The following KCNQ5 variants were observed in gnomAD, a reference collection of about 807,000 sequenced individuals.
The protein encoded by KCNQ5 is potassium voltage-gated channel subfamily KQT member 5.
A neutral mutation model predicts 98.2 loss-of-function variants in KCNQ5; 30 were observed. That is an observed-to-expected ratio of 0.31 (90% CI 0.23 to 0.41). The LOEUF is 0.41. Ranked by LOEUF, KCNQ5 falls within the 10% of genes least tolerant of loss-of-function variation. KCNQ5 has a pLI of 1.00. For synonymous variants in KCNQ5, 458 were observed against 449.4 expected, an observed-to-expected ratio of 1.02 and a Z score of -0.24; for missense variants, 835 against 1,182.5, an observed-to-expected ratio of 0.71 and a Z score of 4.31.
intron 7 of KCNQ5, among the ~76,000 whole-genome samples, chr6:73,112,369 A>G (rs1304066966): frequency 6.7e-6 from 1 of 149,828 alleles, no homozygotes; most frequent in Non-Finnish European, 1.5e-5. Flanking sequence ...TTTTTGAGAC[A>G]GAGTCCCGCT....
chr6:72,770,981 G>A (rs117516009), intron 1 of KCNQ5, among the ~76,000 whole-genome samples: 5 of 152,158 alleles, frequency 3.3e-5, no homozygotes, highest in Non-Finnish European at 7.4e-5. Context: ...CAGCCCTCAA[G>A]GGACCCTCGA....
chr6:73,081,403 T>C (rs1318213560), intron 5 of KCNQ5, among the ~76,000 whole-genome samples: 1 of 152,240 alleles, frequency 6.6e-6, no homozygotes, highest in African/African-American at 2.4e-5. Flanking sequence ...AAGAATGGGT[T>C]TCCCTGGAGT....
At chr6:72,825,748 TAGTC>T (rs1057405510) in intron 1 of KCNQ5, among the ~76,000 whole-genome samples, 20 of 152,166 alleles carry the variant, frequency 1.3e-4, no homozygotes, top group Non-Finnish European at 2.9e-4. Flanking sequence ...CAATAGTTGT[TAGTC>T]AGTCCTGTTT....
intron 3 of KCNQ5, among the ~76,000 whole-genome samples, chr6:73,060,839 CAA>C (rs1332339463): frequency 6.6e-6 from 1 of 152,068 alleles, no homozygotes; most frequent in East Asian, 1.9e-4. Flanking sequence ...ATCAGATTGG[CAA>C]AAATCTGCAG....
chr6:72,819,436 A>G (rs1369201539), intron 1 of KCNQ5, among the ~76,000 whole-genome samples: 1 of 152,244 alleles, frequency 6.6e-6, no homozygotes, highest in African/African-American at 2.4e-5. Flanking sequence ...AAATGGAATC[A>G]TATTACATAA....
rs773109657 is a variant in KCNQ5, at chr6:73,106,229, A to T, written c.1029+862A>T. ...CTCCTCTGCCTATTAATAAGTGCAG[A>T]GAACACCCTTGTCCCACCAGTGCCC... On this transcript the variant is annotated intron_variant, in intron 6 of 13. Coordinates refer to ENST00000370398, the MANE Select transcript of KCNQ5 (RefSeq NM_019842.4). 3.3e-5 allele frequency among the ~76,000 whole-genome samples: 5 copies of T among 152,324 alleles called. No homozygotes were observed. The South Asian group carries it at 1.0e-3, about 32-fold the overall frequency.
chr6:72,987,106 G>A (rs866741264), intron 1 of KCNQ5: 38 of 659,942 alleles, frequency 5.8e-5, no homozygotes, highest in South Asian at 3.2e-4. Context: ...TTGAGGCTCC[G>A]GAATACATCC....
intron 1 of KCNQ5, among the ~76,000 whole-genome samples, chr6:72,685,107 G>T (rs1347193664): frequency 6.6e-6 from 1 of 152,056 alleles, no homozygotes; most frequent in Non-Finnish European, 1.5e-5. Flanking sequence ...AGGGTGTAGG[G>T]CTATGTGTTG....
intron 2 of KCNQ5, among the ~76,000 whole-genome samples, chr6:73,007,845 T>C (rs7747368): frequency 0.32 from 48,032 of 152,050 alleles, 10,116 homozygotes; most frequent in African/African-American, 0.59. Flanking sequence ...GCCCCTCCCC[T>C]ACCAGCAAAA....
intron 11 of KCNQ5, among the ~76,000 whole-genome samples, chr6:73,170,854 A>G (rs1350155179): frequency 1.3e-5 from 2 of 152,154 alleles, no homozygotes; most frequent in Admixed American, 6.5e-5. Context: ...GACTCTCTTG[A>G]GCCCGGGAGA....
chr6:72,854,287 G>A (rs1332635029), intron 1 of KCNQ5, among the ~76,000 whole-genome samples: 1 of 151,974 alleles, frequency 6.6e-6, no homozygotes, highest in South Asian at 2.1e-4. Context: ...TTTAAAATTT[G>A]GTTGTATTGA....
At chr6:72,849,506 T>A (rs1355988555) in intron 1 of KCNQ5, among the ~76,000 whole-genome samples, 1 of 152,176 alleles carries the variant, frequency 6.6e-6, no homozygotes, top group Non-Finnish European at 1.5e-5. Flanking sequence ...CAAAAGGCAC[T>A]GTTTTTAAAT....
chr6:72,987,499 A>G lies in KCNQ5; in HGVS notation c.399-16409A>G, dbSNP rs1256294312. ...TTTCTCAAACTTACTGGTGGCTTCA[A>G]AAACCTGTCCCCTTCGTTCAGCCGC... On this transcript the variant is annotated intron_variant, in intron 1 of 13. Transcript: ENST00000370398. The G allele has an allele frequency of 4.5e-6, 3 of 664,868 alleles. No individual in the cohort carries two copies. In the East Asian group the frequency reaches 1.0e-4, roughly 23 times the overall value. The allele number at this position is 664,868 out of a possible 1,614,324, so 41.2% of individuals were successfully genotyped here.
At chr6:72,972,192 T>G (rs1394524881) in intron 1 of KCNQ5, among the ~76,000 whole-genome samples, 1 of 152,162 alleles carries the variant, frequency 6.6e-6, no homozygotes, top group Non-Finnish European at 1.5e-5. Context: ...GAAGGCAATC[T>G]GCCATGCCAG....
chr6:72,743,086 A>C (rs1414198789), intron 1 of KCNQ5, among the ~76,000 whole-genome samples: 1 of 152,178 alleles, frequency 6.6e-6, no homozygotes, highest in Non-Finnish European at 1.5e-5. Flanking sequence ...AAAATTCTTC[A>C]AAAACCTTTG....
intron 1 of KCNQ5, among the ~76,000 whole-genome samples, chr6:72,738,787 A>G (rs1238827948): frequency 6.6e-6 from 1 of 152,178 alleles, no homozygotes; most frequent in Non-Finnish European, 1.5e-5. Flanking sequence ...ACTAAGTGAA[A>G]GAAGCCAATC....
intron 1 of KCNQ5, among the ~76,000 whole-genome samples, chr6:72,891,222 C>T (rs1338382740): frequency 6.6e-6 from 1 of 152,146 alleles, no homozygotes; most frequent in Non-Finnish European, 1.5e-5. Context: ...GTCCATAATG[C>T]TAGTATTGCA....
intron 1 of KCNQ5, among the ~76,000 whole-genome samples, chr6:72,757,566 A>G (rs1354540934): frequency 2.0e-5 from 3 of 152,184 alleles, no homozygotes; most frequent in Non-Finnish European, 4.4e-5. Flanking sequence ...TAAAATGTTA[A>G]ATATCTCATG....
chr6:72,980,105 A>C (rs1272516015), intron 1 of KCNQ5, among the ~76,000 whole-genome samples: 2 of 152,170 alleles, frequency 1.3e-5, no homozygotes, highest in Non-Finnish European at 2.9e-5. Flanking sequence ...CAAGCCAGGT[A>C]GCATCATGCC....
Sources: allele counts gnomAD v4.1 joint callset (sites outside exome capture counted in the v4.1 genomes callset), GRCh38; gene constraint gnomAD v4.1.1; transcripts MANE v1.5; gene names NCBI Gene and HGNC (gene_info 2026-07-23, HGNC 2026-07-21).